PAMR1: variants seen among roughly 807,000 people sequenced by gnomAD.
PAMR1 encodes inactive serine protease PAMR1.
PAMR1 carries 88 observed loss-of-function variants against 81.8 expected under a neutral mutation model. The observed-to-expected ratio is 1.08, with a 90% CI of 0.91 to 1.28. PAMR1 has a LOEUF of 1.28. Ranked by LOEUF, PAMR1 falls within the 50% of genes most tolerant of loss-of-function variation. The pLI, the probability that PAMR1 is intolerant of heterozygous loss-of-function variation, is 0.00. For missense variants in PAMR1, 935 were observed against 919.7 expected, an observed-to-expected ratio of 1.02 and a Z score of -0.21; for synonymous variants, 336 against 345.3, an observed-to-expected ratio of 0.97 and a Z score of 0.30.
upstream of PAMR1, among the ~76,000 whole-genome samples, chr11:35,526,195 T>C (rs61879582): frequency 0.23 from 34,384 of 152,096 alleles, 4,080 homozygotes; most frequent in Non-Finnish European, 0.26. Flanking sequence ...GGAAAGCTTA[T>C]TATCTTTTGC....
intron 3 of PAMR1, among the ~76,000 whole-genome samples, 191 bp downstream of exon 3, chr11:35,491,854 T>C (rs1022366107): frequency 6.6e-6 from 1 of 152,210 alleles, no homozygotes; most frequent in African/African-American, 2.4e-5. Flanking sequence ...TGGCCAAGAA[T>C]TCAAACAAAT....
chr11:35,526,669 A>G (rs1851398555), upstream of PAMR1, among the ~76,000 whole-genome samples: 1 of 152,228 alleles, frequency 6.6e-6, no homozygotes, highest in South Asian at 2.1e-4. Context: ...GAACCCGGGC[A>G]GCTTAGGCCC....
intron 6 of PAMR1, among the ~76,000 whole-genome samples, chr11:35,454,767 A>G (rs1856493097): frequency 6.6e-6 from 1 of 152,160 alleles, no homozygotes; most frequent in Non-Finnish European, 1.5e-5. Context: ...CTTGGGGAGT[A>G]TGATTGGCCA....
intron 1 of PAMR1, among the ~76,000 whole-genome samples, chr11:35,524,567 G>A (rs1851349343): frequency 6.6e-6 from 1 of 152,154 alleles, no homozygotes; most frequent in Non-Finnish European, 1.5e-5. Context: ...AGCACAGAAG[G>A]GAAGCAGCGA....
At chr11:35,444,598 G>A (rs1399085650) in intron 6 of PAMR1, among the ~76,000 whole-genome samples, 1 of 152,100 alleles carries the variant, frequency 6.6e-6, no homozygotes, top group African/African-American at 2.4e-5. Flanking sequence ...ATTAAACAGG[G>A]TATCCTTTCC....
chr11:35,492,768 G>A (rs2135400484), intron 2 of PAMR1, among the ~76,000 whole-genome samples: 1 of 152,298 alleles, frequency 6.6e-6, no homozygotes, highest in African/African-American at 2.4e-5. Context: ...CGTGGAATGT[G>A]TCGGGCTCCC....
At chr11:35,512,068 A>G (rs1268792674) in intron 1 of PAMR1, among the ~76,000 whole-genome samples, 1 of 152,226 alleles carries the variant, frequency 6.6e-6, no homozygotes, top group Admixed American at 6.5e-5. Flanking sequence ...CAGCTGGAGA[A>G]TCAAGGCCAT....
chr11:35,455,185 A>G (rs1001373760), intron 6 of PAMR1, among the ~76,000 whole-genome samples: 12 of 152,254 alleles, frequency 7.9e-5, no homozygotes, highest in Non-Finnish European at 1.5e-4. Flanking sequence ...CATAAATTCT[A>G]TAGGAAGTGG....
intron 1 of PAMR1, among the ~76,000 whole-genome samples, chr11:35,520,848 G>C (rs1168716521): frequency 6.6e-6 from 1 of 152,210 alleles, no homozygotes; most frequent in African/African-American, 2.4e-5. Flanking sequence ...GGCCACCCCA[G>C]TGGGGCAGAT....
chr11:35,462,376 C>T (rs1228148414), intron 6 of PAMR1, among the ~76,000 whole-genome samples: 1 of 152,234 alleles, frequency 6.6e-6, no homozygotes, highest in East Asian at 1.9e-4. Flanking sequence ...GTGACACTGG[C>T]ACCACCTACT....
At chr11:35,489,305 T>A (rs1850572133) in intron 3 of PAMR1, among the ~76,000 whole-genome samples, 1 of 152,194 alleles carries the variant, frequency 6.6e-6, no homozygotes, top group African/African-American at 2.4e-5. Flanking sequence ...CTTAACAGCA[T>A]CAACTTCTAG....
intron 4 of PAMR1, among the ~76,000 whole-genome samples, chr11:35,472,481 G>A (rs915518870): frequency 2.0e-5 from 3 of 152,206 alleles, no homozygotes; most frequent in African/African-American, 4.8e-5. Flanking sequence ...TTCTGGGTTA[G>A]AAGATAGATA....
At chr11:35,488,953 T>A (rs1850565452) in intron 3 of PAMR1, among the ~76,000 whole-genome samples, 1 of 152,176 alleles carries the variant, frequency 6.6e-6, no homozygotes, top group African/African-American at 2.4e-5. Context: ...ACTGCCTTCA[T>A]CCTATGTGAC....
intron 6 of PAMR1, among the ~76,000 whole-genome samples, chr11:35,448,772 T>C (rs1856349793): frequency 6.6e-6 from 1 of 152,260 alleles, no homozygotes; most frequent in African/African-American, 2.4e-5. Context: ...CTCATCTTCA[T>C]GGGTTTATCT....
chr11:35,529,919 C>A (rs567801479), upstream of PAMR1: 93 of 152,346 alleles, frequency 6.1e-4, no homozygotes, highest in African/African-American at 2.2e-3. Context: ...CTAATTTTCA[C>A]ATGGTACCTT....
At chr11:35,507,460 GT>G (rs1462970965) in intron 1 of PAMR1, among the ~76,000 whole-genome samples, 2 of 152,092 alleles carry the variant, frequency 1.3e-5, no homozygotes, top group Non-Finnish European at 2.9e-5. Flanking sequence ...CAAGATTTCT[GT>G]TTGGTTTCTT....
chr11:35,478,587 A>C (rs1204998070), intron 3 of PAMR1, among the ~76,000 whole-genome samples: 1 of 152,270 alleles, frequency 6.6e-6, no homozygotes, highest in East Asian at 1.9e-4. Flanking sequence ...AATGCCTTCA[A>C]TTCCCTCTCC....
At chr11:35,494,485 C>A (rs780394454) in intron 1 of PAMR1, among the ~76,000 whole-genome samples, 11 of 152,238 alleles carry the variant, frequency 7.2e-5, no homozygotes, top group Non-Finnish European at 1.5e-4. Context: ...AGGCGCCCAC[C>A]ACTACGCCAG....
At chr11:35,441,778 T>TA in intron 6 of PAMR1, 85 bp from the exon 7 acceptor site, 1 of 888,268 alleles carries the variant, frequency 1.1e-6, no homozygotes, top group Non-Finnish European at 1.7e-6. Context: ...TTCATTGAAC[T>TA]AAAAATACAA....
Sources: gnomAD v4.1 joint callset for allele counts (sites outside exome capture counted in the v4.1 genomes callset) on GRCh38, gnomAD v4.1.1 for gene constraint, MANE v1.5 for transcripts, NCBI Gene and HGNC (gene_info 2026-07-23, HGNC 2026-07-21) for gene names.